Variants in SLC5A7 observed in about 807,000 individuals in gnomAD.
SLC5A7 encodes solute carrier family 5 member 7, also known as high affinity choline transporter 1.
Under a neutral mutation model 55.4 loss-of-function variants are expected in SLC5A7, and 19 were observed. The observed-to-expected ratio is 0.34, with a 90% confidence interval of 0.24 to 0.50. The LOEUF (loss-of-function observed/expected upper bound fraction) is 0.50, where lower values mean the gene tolerates loss of function less well. Among genes scored for constraint, SLC5A7 ranks in the 20% least tolerant of loss-of-function variants. SLC5A7 has a pLI of 0.98. For missense variants in SLC5A7, 506 were observed against 705.3 expected, an observed-to-expected ratio of 0.72 and a Z score of 3.20; for synonymous variants, 265 against 263.7, an observed-to-expected ratio of 1.00 and a Z score of -0.05.
chr2:108,006,976 TA>T (rs1339274361), intron 7 of SLC5A7, among the ~76,000 whole-genome samples: 2 of 152,138 alleles, frequency 1.3e-5, no homozygotes, highest in African/African-American at 2.4e-5. Flanking sequence ...AATAACTTAT[TA>T]AAAAATGGTT....
At chr2:108,000,098 A>G (rs1356614353) in intron 5 of SLC5A7, among the ~76,000 whole-genome samples, 1 of 151,854 alleles carries the variant, frequency 6.6e-6, no homozygotes, top group Non-Finnish European at 1.5e-5. Flanking sequence ...TATCTCTCCC[A>G]TTTCCCCAAG....
chr2:108,007,460 A>G (rs544749867), intron 7 of SLC5A7, among the ~76,000 whole-genome samples: 4 of 125,462 alleles, frequency 3.2e-5, no homozygotes, highest in South Asian at 2.8e-4. Context: ...AGCAGAAAAC[A>G]TATATGGACG....
At chr2:108,002,356 T>C (rs767922460) in intron 6 of SLC5A7, among the ~76,000 whole-genome samples, 7 of 152,146 alleles carry the variant, frequency 4.6e-5, no homozygotes, top group Non-Finnish European at 1.0e-4. Context: ...CAAAACCTTG[T>C]AAAGGCTTTA....
At chr2:107,988,732 T>A (rs1399588289) in intron 2 of SLC5A7, among the ~76,000 whole-genome samples, 1 of 152,186 alleles carries the variant, frequency 6.6e-6, no homozygotes, top group Non-Finnish European at 1.5e-5. Flanking sequence ...AATACATGCA[T>A]AAAGTTGTGA....
At position 108,010,964 on chromosome 2, in the gene SLC5A7, A is replaced by C; in HGVS notation, c.*103A>C. On this transcript the variant is annotated 3_prime_UTR_variant, in exon 9 of 9. Coordinates refer to ENST00000264047, the MANE Select transcript of SLC5A7 (RefSeq NM_021815.5). Reference sequence around the variant, plus strand: ...CAAAAATATATTAAAAATATAAACAATGTTCAGGAGAGTAAAAATTCATAT... The same window carrying C: ...CAAAAATATATTAAAAATATAAACACTGTTCAGGAGAGTAAAAATTCATAT... 1 of 1,231,084 alleles carries C rather than the reference A, an allele frequency of 8.1e-7. No individual in the cohort carries two copies. The highest frequency in any genetic ancestry group is 1.1e-6 in the Non-Finnish European group (1 of 926,578). 76.3% of individuals were successfully genotyped at this position (1,231,084 alleles called of 1,614,324 possible).
At chr2:107,998,085 C>A in intron 5 of SLC5A7, 99 bp downstream of exon 5, 1 of 1,217,208 alleles carries the variant, frequency 8.2e-7, no homozygotes, top group Admixed American at 2.7e-5. Flanking sequence ...TATTTTCCCT[C>A]ATGAGTAATA....
chr2:108,007,936 A>G (rs939249530), intron 7 of SLC5A7, among the ~76,000 whole-genome samples: 1 of 152,210 alleles, frequency 6.6e-6, no homozygotes, highest in Non-Finnish European at 1.5e-5. Context: ...TTTTTATTCA[A>G]TAAAAAGGGA....
chr2:107,995,786 TC>T (rs1677649095), intron 4 of SLC5A7, among the ~76,000 whole-genome samples: 1 of 152,164 alleles, frequency 6.6e-6, no homozygotes, highest in Non-Finnish European at 1.5e-5. Flanking sequence ...GAAATTGACA[TC>T]CTACAACATT....
chr2:107,996,378 C>A (rs1677671964), intron 4 of SLC5A7, among the ~76,000 whole-genome samples: 2 of 152,068 alleles, frequency 1.3e-5, no homozygotes, highest in Non-Finnish European at 2.9e-5. Flanking sequence ...GAAAATAATT[C>A]TATTTTATCA....
chr2:107,988,229 C>T lies in SLC5A7; in HGVS notation c.74C>T (p.Ala25Val), dbSNP rs2104332660. 1 of 1,614,120 alleles carries T rather than the reference C, an allele frequency of 6.2e-7. No individual in the cohort carries two copies. Among genetic ancestry groups the T allele is most frequent in the Non-Finnish European group, 8.5e-7 (1 of 1,179,982 alleles). ...YLLILLVGIW[A>V]AWRTKNSGSA... ...CTAATTTTGCTGGTTGGAATATGGG[C>T]TGCCTGGAGAACCAAAAACAGTGGC... Residue 25 changes from alanine to valine, a missense_variant, in exon 2 of 9, where the codon GCT becomes GTT. Coordinates refer to ENST00000264047, the MANE Select transcript of SLC5A7 (RefSeq NM_021815.5).
chr2:107,992,862 T>C, intron 3 of SLC5A7, 110 bp from the exon 4 acceptor site: 1 of 1,157,122 alleles, frequency 8.6e-7, no homozygotes, highest in South Asian at 1.5e-5. Flanking sequence ...TGTTCCTCAA[T>C]CCATACAGGT....
chr2:108,002,598 A>G (rs1677956075), intron 6 of SLC5A7, among the ~76,000 whole-genome samples: 1 of 152,148 alleles, frequency 6.6e-6, no homozygotes, highest in Non-Finnish European at 1.5e-5. Flanking sequence ...GAGGACATGG[A>G]AGAGATAATG....
At position 108,011,370 on chromosome 2, in the gene SLC5A7, C is replaced by G. The variant is rs199512691; in HGVS notation, c.*509C>G. ...GATGATTAACCCCTTCTTTCATGTT[C>G]TGAGCTATAACATTTGCTGAATATG... On this transcript the variant is annotated 3_prime_UTR_variant, in exon 9 of 9. Transcript: ENST00000264047. 1 of 152,242 alleles carries G rather than the reference C, an allele frequency of 6.6e-6. No individual in the cohort carries two copies. Among genetic ancestry groups the G allele is most frequent in the African/African-American group, 2.4e-5 (1 of 41,438 alleles). 9.4% of individuals were successfully genotyped at this position (152,242 alleles called of 1,614,324 possible).
intron 4 of SLC5A7, 23 bp from the exon 5 acceptor site, chr2:107,997,815 C>A: frequency 6.3e-7 from 1 of 1,591,516 alleles, no homozygotes; most frequent in Non-Finnish European, 8.6e-7. Flanking sequence ...ACCTTGACCA[C>A]AGAACTCTCT....
intron 8 of SLC5A7, among the ~76,000 whole-genome samples, chr2:108,009,330 CTTTT>C (rs1000501508): frequency 6.6e-6 from 1 of 151,968 alleles, no homozygotes; most frequent in African/African-American, 2.4e-5. Flanking sequence ...AAGGCATTTT[CTTTT>C]TGTTTTTAAT....
intron 2 of SLC5A7, among the ~76,000 whole-genome samples, chr2:107,989,501 C>T (rs1365867138): frequency 1.3e-5 from 2 of 152,156 alleles, no homozygotes; most frequent in East Asian, 1.9e-4. Context: ...ATCTACTGTA[C>T]GTGGACTCAT....
intron 8 of SLC5A7, among the ~76,000 whole-genome samples, chr2:108,009,261 CTTTGT>C (rs1422726667): frequency 6.6e-6 from 1 of 151,950 alleles, no homozygotes; most frequent in African/African-American, 2.4e-5. Context: ...TTTGCTTTTG[CTTTGT>C]TTTGTTTTGA....
At chr2:108,007,655 T>A (rs1264770214) in intron 7 of SLC5A7, among the ~76,000 whole-genome samples, 1 of 152,208 alleles carries the variant, frequency 6.6e-6, no homozygotes, top group Non-Finnish European at 1.5e-5. Flanking sequence ...AAGCAGGCTT[T>A]GGTGACAATT....
chr2:107,998,852 TCTC>T (rs1181170152), intron 5 of SLC5A7, among the ~76,000 whole-genome samples: 1 of 150,768 alleles, frequency 6.6e-6, no homozygotes, highest in Non-Finnish European at 1.5e-5. Flanking sequence ...TACTCTTGAT[TCTC>T]CTCATCTTTA....
Sources: allele counts gnomAD v4.1 joint callset (sites outside exome capture counted in the v4.1 genomes callset), GRCh38; gene constraint gnomAD v4.1.1; transcripts MANE v1.5; gene names NCBI Gene and HGNC (gene_info 2026-07-23, HGNC 2026-07-21).